RGS6: variants seen among roughly 807,000 people sequenced by gnomAD.
RGS6 encodes regulator of G-protein signaling 6.
A neutral mutation model predicts 78.5 loss-of-function variants in RGS6; 30 were observed. The observed-to-expected ratio is 0.38, with a 90% CI of 0.29 to 0.52. RGS6 has a LOEUF of 0.52. RGS6 is among the 20% of genes least tolerant of loss of function. The pLI is 0.85. For synonymous variants in RGS6, 206 were observed against 206.0 expected, an observed-to-expected ratio of 1.00 and a Z score of 0.00; for missense variants, 495 against 609.7, an observed-to-expected ratio of 0.81 and a Z score of 1.98.
chr14:71,910,185 G>A, the RGS6 span, among the ~76,000 whole-genome samples: 1 of 142,394 alleles, frequency 7.0e-6, no homozygotes, highest in East Asian at 2.0e-4. Context: ...GCGAGACTCT[G>A]TCTTAAAACA....
intron 2 of RGS6, among the ~76,000 whole-genome samples, chr14:72,045,810 G>T (rs2092788219): frequency 6.6e-6 from 1 of 151,826 alleles, no homozygotes; most frequent in African/African-American, 2.4e-5. Flanking sequence ...AAGTCTTTTT[G>T]GATTCCACTC....
At position 72,552,015 on chromosome 14, in the gene RGS6, T is replaced by C. The variant is rs186531900; in HGVS notation, c.1423-10402T>C. Reference sequence around the variant, plus strand: ...TAGCTCTTAGAATCAGTTTCATCATTATGATATTATTTGCAGCTCATACTT... The same window carrying C: ...TAGCTCTTAGAATCAGTTTCATCATCATGATATTATTTGCAGCTCATACTT... On this transcript the variant is annotated intron_variant, in intron 17 of 17. Transcript: ENST00000553525. Among the ~76,000 whole-genome samples, 136 of 152,374 alleles carry C rather than the reference T, an allele frequency of 8.9e-4. 2 individuals are homozygous for C. The highest frequency in any genetic ancestry group is 3.5e-3 in the Admixed American group (54 of 15,308).
At chr14:72,612,489 G>A in the RGS6 span, 193 of 518,612 alleles carry the variant, frequency 3.7e-4, 2 homozygotes, top group South Asian at 2.4e-3. Flanking sequence ...AAATGTGCAC[G>A]GGGTATATTT....
At chr14:72,330,293 C>T (rs772931360) in intron 2 of RGS6, among the ~76,000 whole-genome samples, 9 of 152,222 alleles carry the variant, frequency 5.9e-5, no homozygotes, top group Non-Finnish European at 1.2e-4. Context: ...CAGAGTGGCA[C>T]CGGACAGGGA....
chr14:72,558,162 C>G (rs542358855), intron 17 of RGS6, among the ~76,000 whole-genome samples: 4 of 152,160 alleles, frequency 2.6e-5, no homozygotes, highest in Admixed American at 2.6e-4. Context: ...CAGGGGCAAC[C>G]GTGGTTGATT....
chr14:71,980,224 G>T (rs2094376633), intron 2 of RGS6, among the ~76,000 whole-genome samples: 1 of 93,588 alleles, frequency 1.1e-5, no homozygotes, highest in Admixed American at 1.2e-4. Context: ...CAATTTGCCA[G>T]TCTGTGTCTT....
At chr14:72,403,262 A>G (rs1237547066) in intron 3 of RGS6, among the ~76,000 whole-genome samples, 1 of 152,244 alleles carries the variant, frequency 6.6e-6, no homozygotes, top group Non-Finnish European at 1.5e-5. Flanking sequence ...ATGGAATACT[A>G]TTCAGCCATT....
At chr14:71,867,652 G>C in the RGS6 span, among the ~76,000 whole-genome samples, 1 of 152,130 alleles carries the variant, frequency 6.6e-6, no homozygotes, top group African/African-American at 2.4e-5. Flanking sequence ...TGCTGGTTGG[G>C]GCTAGAGAAA....
chr14:72,106,886 C>G (rs1041626468), intron 2 of RGS6, among the ~76,000 whole-genome samples: 3 of 152,040 alleles, frequency 2.0e-5, no homozygotes, highest in African/African-American at 7.2e-5. Context: ...AAATCTTAGT[C>G]CTGTCCTTTT....
At chr14:72,398,102 A>T (rs1242560344) in intron 3 of RGS6, among the ~76,000 whole-genome samples, 1 of 152,096 alleles carries the variant, frequency 6.6e-6, no homozygotes, top group Non-Finnish European at 1.5e-5. Flanking sequence ...TTTTCTATTG[A>T]TTGGAATAGT....
At chr14:72,050,524 A>G (rs1170486302) in intron 2 of RGS6, among the ~76,000 whole-genome samples, 3 of 152,200 alleles carry the variant, frequency 2.0e-5, no homozygotes, top group African/African-American at 7.2e-5. Context: ...GATGGTTGAA[A>G]TGGTACTCTT....
intron 2 of RGS6, among the ~76,000 whole-genome samples, chr14:72,037,631 T>G (rs539920518): frequency 6.6e-6 from 1 of 152,356 alleles, no homozygotes; most frequent in South Asian, 2.1e-4. Flanking sequence ...AAACACCGTT[T>G]ATTCAGAAGA....
chr14:71,910,590 C>T, the RGS6 span, among the ~76,000 whole-genome samples: 3 of 152,296 alleles, frequency 2.0e-5, no homozygotes, highest in East Asian at 3.9e-4. Context: ...GCCCCTACTA[C>T]GAACTTATGA....
chr14:72,580,643 C>A, the RGS6 span, among the ~76,000 whole-genome samples: 2 of 152,252 alleles, frequency 1.3e-5, no homozygotes, highest in African/African-American at 4.8e-5. Flanking sequence ...TGGTTGTAAT[C>A]AGGCTATTAG....
chr14:72,041,101 T>C (rs180918767), intron 2 of RGS6, among the ~76,000 whole-genome samples: 2 of 152,242 alleles, frequency 1.3e-5, no homozygotes, highest in Non-Finnish European at 2.9e-5. Context: ...TTTGGAGATT[T>C]ATTTTATTCC....
Position 72,123,744 on chromosome 14 carries a change from A to G in RGS6, c.84+158869A>G, listed in dbSNP as rs182186734. Among the ~76,000 whole-genome samples the G allele has an allele frequency of 4.3e-3, 651 of 152,342 alleles. 1 individual carries two copies. The highest frequency in any genetic ancestry group is 0.014 in the African/African-American group (597 of 41,576). On this transcript the variant is annotated intron_variant, in intron 2 of 17. Coordinates refer to ENST00000553525, the MANE Select transcript of RGS6 (RefSeq NM_001204424.2). ...TTTTCCGAAGTCTGACCTGCCCAAG[A>G]CCTTATATAAGCACGTTATGGAAAG... is the stretch of plus-strand genomic sequence containing the variant.
At chr14:72,441,054 G>C (rs1171045251) in intron 3 of RGS6, among the ~76,000 whole-genome samples, 3 of 152,206 alleles carry the variant, frequency 2.0e-5, no homozygotes, top group African/African-American at 7.2e-5. Context: ...CTATGCATGT[G>C]TGCAGGTATG....
At chr14:72,484,003 A>G (rs768266572) in intron 12 of RGS6, among the ~76,000 whole-genome samples, 51 of 149,994 alleles carry the variant, frequency 3.4e-4, no homozygotes, top group Non-Finnish European at 6.9e-4. Flanking sequence ...ATTAATTGCT[A>G]GGAATCAAAC....
At chr14:72,239,315 G>A (rs2052097285) in intron 2 of RGS6, among the ~76,000 whole-genome samples, 1 of 152,086 alleles carries the variant, frequency 6.6e-6, no homozygotes, top group South Asian at 2.1e-4. Flanking sequence ...CTGGTGGTGT[G>A]CCCCTGGAAG....
Sources: gnomAD v4.1 joint callset for allele counts (sites outside exome capture counted in the v4.1 genomes callset) on GRCh38, gnomAD v4.1.1 for gene constraint, MANE v1.5 for transcripts, NCBI Gene and HGNC (gene_info 2026-07-23, HGNC 2026-07-21) for gene names.